ESYT1: variants seen among roughly 807,000 people sequenced by gnomAD.
The protein encoded by ESYT1 is extended synaptotagmin-1.
Under a neutral mutation model 154.2 loss-of-function variants are expected in ESYT1, and 116 were observed. The ratio of observed to expected loss-of-function variants is 0.75; its 90% CI spans 0.65 to 0.88. The LOEUF (loss-of-function observed/expected upper bound fraction) is 0.88, where lower values mean the gene tolerates loss of function less well. Among genes scored for constraint, ESYT1 ranks in the 40% least tolerant of loss-of-function variants. The pLI is 0.00. For synonymous variants in ESYT1, 500 were observed against 539.9 expected (o/e 0.93, Z 1.02); for missense variants, 1,264 against 1,379.3 (o/e 0.92, Z 1.32).
chr12:56,133,397 T>C lies in ESYT1; in HGVS notation c.1245-20T>C. 6.2e-7 allele frequency: 1 copy of C among 1,613,984 alleles called. No individual in the cohort carries two copies. Among genetic ancestry groups the C allele is most frequent in the Non-Finnish European group, 8.5e-7 (1 of 1,180,000 alleles). Reference sequence around the variant, plus strand: ...TACCCTTTTCTTCCTTTCACTACCCTCTCCCCCGCCAACCCTCAGAATGAA... The same window carrying C: ...TACCCTTTTCTTCCTTTCACTACCCCCTCCCCCGCCAACCCTCAGAATGAA... On this transcript the variant is annotated intron_variant, in intron 10 of 30. Coordinates refer to ENST00000394048, the MANE Select transcript of ESYT1 (RefSeq NM_015292.3).
chr12:56,143,688 A>T, intron 30 of ESYT1, 59 bp downstream of exon 30: 2 of 1,612,198 alleles, frequency 1.2e-6, no homozygotes, highest in Non-Finnish European at 1.7e-6. Context: ...AATTCCAATC[A>T]CAGGAAAGGA....
At chr12:56,141,533 G>A (rs1870687543) in intron 24 of ESYT1, among the ~76,000 whole-genome samples, 1 of 152,178 alleles carries the variant, frequency 6.6e-6, no homozygotes, top group South Asian at 2.1e-4. Flanking sequence ...AAGGTCAGGA[G>A]ATCGAGACCA....
intron 3 of ESYT1, 30 bp downstream of exon 3, chr12:56,130,955 T>C: frequency 1.2e-6 from 2 of 1,613,966 alleles, no homozygotes; most frequent in Non-Finnish European, 1.7e-6. Context: ...AGTGAGGAGG[T>C]AGGCTAGGGA....
Position 56,137,827 on chromosome 12 carries a change from A to C in ESYT1, c.2116-5A>C. The C allele has an allele frequency of 1.2e-6, 2 of 1,613,998 alleles. No homozygotes were observed. The highest frequency in any genetic ancestry group is 4.5e-5 in the East Asian group (2 of 44,880). ...TCTTTCATCTGCACTATTTTCTCCC[A>C]CTAGGTGATCGTCACATCAGTTCCA... On this transcript the variant is annotated splice_region_variant and splice_polypyrimidine_tract_variant and intron_variant, in intron 18 of 30. Transcript: ENST00000394048.
At position 56,142,546 on chromosome 12, in the gene ESYT1, C is replaced by T; in HGVS notation, c.2734-32C>T. The T allele has an allele frequency of 1.2e-6, 2 of 1,613,930 alleles. No homozygotes were observed. The highest frequency in any genetic ancestry group is 1.1e-5 in the South Asian group (1 of 91,036). On this transcript the variant is annotated intron_variant, in intron 25 of 30. Transcript: ENST00000394048. The surrounding 1 kb of genome is among the most constrained non-coding windows in gnomAD (Gnocchi z 4.1). ...CCTTAGAGTGAGGGAACTGAGAGAA[C>T]TCTGCCCAGCTCACAGCTTTCTTGC...
At position 56,136,819 on chromosome 12, in the gene ESYT1, C is replaced by T; in HGVS notation, c.1708C>T (p.Leu570Phe). Residue 570 changes from leucine (L) to phenylalanine (F), a missense_variant, in exon 16 of 31, where the codon CTC (leucine) becomes TTC (phenylalanine). Transcript: ENST00000394048. The stretch of plus-strand genomic sequence containing the variant: ...GGCCCGCCTGCTGACTGCCCCAGAA[C>T]TCATCCTGGACCAGTGGTTCCAGCT... ...PLARLLTAPE[L>F]ILDQWFQLSS... The T allele has an allele frequency of 1.2e-6, 2 of 1,609,666 alleles. No individual in the cohort carries two copies. The highest frequency in any genetic ancestry group is 1.7e-6 in the Non-Finnish European group (2 of 1,177,512).
At position 56,144,455 on chromosome 12, in the gene ESYT1, G is replaced by A. The variant is rs1381561370; in HGVS notation, c.*593G>A. The A allele has an allele frequency of 1.7e-5, 17 of 987,038 alleles. No individual in the cohort carries two copies. Among genetic ancestry groups the A allele is most frequent in the Middle Eastern group, 5.2e-4 (1 of 1,936 alleles). 61.1% of individuals were successfully genotyped at this position (987,038 alleles called of 1,614,324 possible). A position where few individuals can be genotyped will look rare whatever the true frequency, so the allele number is the denominator to read the frequency against. ...TTGTCACTTTGGAAACTGAGGACGC[G>A]TGGATTCTACTCAAGCCTCCAAGTA... On this transcript the variant is annotated 3_prime_UTR_variant, in exon 31 of 31. Coordinates refer to ENST00000394048, the MANE Select transcript of ESYT1 (RefSeq NM_015292.3).
intron 1 of ESYT1, among the ~76,000 whole-genome samples, chr12:56,129,084 C>G (rs1870122631): frequency 6.6e-6 from 1 of 152,218 alleles, no homozygotes; most frequent in African/African-American, 2.4e-5. Context: ...CCTGGAAATC[C>G]TGGTCCCGTT....
intron 24 of ESYT1, among the ~76,000 whole-genome samples, chr12:56,139,898 T>C (rs1055282028): frequency 2.6e-5 from 4 of 151,264 alleles, no homozygotes; most frequent in Admixed American, 2.6e-4. Flanking sequence ...TTTTTTTTTT[T>C]AGACAGGGTC....
In ESYT1 at chr12:56,142,671, G is replaced by A; in HGVS notation, c.2827G>A (p.Gly943Arg). 1 of 1,614,084 alleles carries A rather than the reference G, an allele frequency of 6.2e-7. No individual in the cohort carries two copies. The highest frequency in any genetic ancestry group is 1.1e-5 in the South Asian group (1 of 91,088). Residue 943 changes from glycine to arginine, a missense_variant, in exon 26 of 31, where the codon GGA becomes AGA. Transcript: ENST00000394048. The surrounding 1 kb of genome is among the most constrained non-coding windows in gnomAD (Gnocchi z 4.1). ...GAGTGAAGAACCAGAGCTCTCGGGG[G>A]GACCCCCTCACATCACCTCCTCAGC... is the stretch of plus-strand genomic sequence containing the variant. ...SLSEEPELSG[G>R]PPHITSSAPE...
chr12:56,143,706 A>G lies in ESYT1; in HGVS notation c.3275+77A>G, dbSNP rs1870808937. ...TCCAATCACAGGAAAGGAAAAAAAG[A>G]TACAATCTGAGCAGAGAACCATTGA... On this transcript the variant is annotated intron_variant, in intron 30 of 30. Coordinates refer to ENST00000394048, the MANE Select transcript of ESYT1 (RefSeq NM_015292.3). 2.5e-6 allele frequency: 4 copies of G among 1,611,596 alleles called. No homozygotes were observed. The Admixed American group carries it at 5.0e-5, about 20-fold the overall frequency.
At chr12:56,140,314 GTATGCTAGAAA>G (rs1024303572) in intron 24 of ESYT1, among the ~76,000 whole-genome samples, 25 of 152,294 alleles carry the variant, frequency 1.6e-4, no homozygotes, top group African/African-American at 4.3e-4. Flanking sequence ...CTGTTGAATA[GTATGCTAGAAA>G]TATGGATTTT....
At position 56,130,853 on chromosome 12, in the gene ESYT1, G is replaced by A. The variant is rs150333243; in HGVS notation, c.495G>A (p.Val165=). Residue 165 remains valine, a synonymous_variant, in exon 3 of 31, where the codon GTG becomes GTA. Transcript: ENST00000394048. ...TGGAGAAGCTTCTGGCTGAAACTGT[G>A]GCTCCGGCTGTTAGGGGATCTAACC... The part of the protein sequence containing the change: ...QYMEKLLAET[V]APAVRGSNPH... 3.6e-4 allele frequency: 578 copies of A among 1,614,132 alleles called. 6 individuals are homozygous for A. In the South Asian group the frequency reaches 4.8e-3, roughly 13 times the overall value.
intron 22 of ESYT1, 76 bp downstream of exon 22, chr12:56,138,575 T>C: frequency 7.0e-7 from 1 of 1,423,578 alleles, no homozygotes; most frequent in Non-Finnish European, 9.6e-7. Flanking sequence ...GGTCCTGGAG[T>C]ATTTAGAATA....
chr12:56,143,030 A>T lies in ESYT1; in HGVS notation c.3001A>T (p.Asn1001Tyr). 5.0e-6 allele frequency: 8 copies of T among 1,614,156 alleles called. No individual in the cohort carries two copies. The highest frequency in any genetic ancestry group is 5.9e-6 in the Non-Finnish European group (7 of 1,180,030). The change falls in exon 28 of 31, where the codon AAT (asparagine) becomes TAT (tyrosine). Residue 1001 changes from asparagine (N) to tyrosine (Y), a missense_variant. Coordinates refer to ENST00000394048, the MANE Select transcript of ESYT1 (RefSeq NM_015292.3). Reference sequence around the variant, plus strand: ...CTCCTGTTGTAGGTCCCTTCGACAGAATGGACGTGATCCTCCTGATCCCTA... The same window carrying T: ...CTCCTGTTGTAGGTCCCTTCGACAGTATGGACGTGATCCTCCTGATCCCTA... ...IVHGCRSLRQNGRDPPDPYVS... is the reference protein window; with the variant it reads ...IVHGCRSLRQYGRDPPDPYVS...
At chr12:56,134,001 G>C in intron 13 of ESYT1, 109 bp from the exon 14 acceptor site, 1 of 1,538,932 alleles carries the variant, frequency 6.5e-7, no homozygotes, top group Middle Eastern at 1.7e-4. Flanking sequence ...TCCCAGGGAG[G>C]GGATCAGATC....
rs1268306603 is a variant in ESYT1 at position 56,142,013 on chromosome 12, G to A, written c.2593-272G>A. On this transcript the variant is annotated intron_variant, in intron 24 of 30. Transcript: ENST00000394048. This position sits in a 1 kb window ranked among gnomAD's most constrained non-coding sequence, Gnocchi z 4.1. Reference sequence around the variant, plus strand: ...CTCAGGAGGTTGAGGCAGGAGAATCGCTTGAACCTGGGAGGCGGAGGTTGC... The same window carrying A: ...CTCAGGAGGTTGAGGCAGGAGAATCACTTGAACCTGGGAGGCGGAGGTTGC... 1.3e-5 allele frequency among the ~76,000 whole-genome samples: 2 copies of A among 151,450 alleles called. No individual in the cohort carries two copies. The highest frequency in any genetic ancestry group is 2.4e-5 in the African/African-American group (1 of 41,134).
At chr12:56,132,830 G>T in intron 10 of ESYT1, 29 bp downstream of exon 10, 3 of 1,602,516 alleles carry the variant, frequency 1.9e-6, no homozygotes, top group Non-Finnish European at 2.6e-6. Flanking sequence ...GGATTCTAAA[G>T]CCCATGCTGG....
At chr12:56,143,469 T>G in intron 29 of ESYT1, 111 bp from the exon 30 acceptor site, 12 of 1,518,712 alleles carry the variant, frequency 7.9e-6, no homozygotes, top group Non-Finnish European at 1.1e-5. Context: ...GGGACGAGTA[T>G]GTGATGAAGG....
Sources: gnomAD v4.1 joint callset for allele counts (sites outside exome capture counted in the v4.1 genomes callset) on GRCh38, gnomAD v4.1.1 for gene constraint, Gnocchi (gnomAD v3.1) non-coding constraint, MANE v1.5 for transcripts, NCBI Gene and HGNC (gene_info 2026-07-23, HGNC 2026-07-21) for gene names.